PRKCA: variants seen among roughly 807,000 people sequenced by gnomAD.
PRKCA encodes the protein protein kinase C alpha.
In PRKCA, 27 loss-of-function variants were observed where a neutral mutation model predicts 87.0. That is an observed-to-expected ratio of 0.31 (90% CI 0.23 to 0.43). PRKCA has a LOEUF of 0.43. PRKCA is among the 20% of genes least tolerant of loss of function. The pLI is 1.00. For synonymous variants in PRKCA, 329 were observed against 311.1 expected, an observed-to-expected ratio of 1.06 and a Z score of -0.61; for missense variants, 518 against 852.3, an observed-to-expected ratio of 0.61 and a Z score of 4.88.
chr17:66,345,048 A>G (rs192356981), intron 2 of PRKCA, among the ~76,000 whole-genome samples: 1 of 152,266 alleles, frequency 6.6e-6, no homozygotes, highest in East Asian at 1.9e-4. Context: ...AGAATCAAGG[A>G]TTACCCTTTT....
chr17:66,406,346 C>A (rs1297325820), intron 2 of PRKCA, among the ~76,000 whole-genome samples: 1 of 152,118 alleles, frequency 6.6e-6, no homozygotes, highest in African/African-American at 2.4e-5. Context: ...ATTGGATGCT[C>A]TTAAAGTTCT....
intron 16 of PRKCA, among the ~76,000 whole-genome samples, chr17:66,798,953 G>A (rs867121923): frequency 2.1e-4 from 29 of 137,692 alleles, no homozygotes; most frequent in Admixed American, 2.9e-4. Context: ...GGTGGTGGTG[G>A]TGGTGGTGGT....
intron 13 of PRKCA, among the ~76,000 whole-genome samples, chr17:66,752,102 G>T (rs1397653832): frequency 6.6e-6 from 1 of 152,158 alleles, no homozygotes; most frequent in Non-Finnish European, 1.5e-5. Context: ...GCTATTTTAA[G>T]AACTTGGGGT....
At chr17:66,642,770 T>C (rs1355336194) in intron 4 of PRKCA, among the ~76,000 whole-genome samples, 2 of 124,502 alleles carry the variant, frequency 1.6e-5, no homozygotes, top group Non-Finnish European at 3.3e-5. Context: ...CAAGAAACGC[T>C]GGGATTTCCA....
chr17:66,688,261 A>G, intron 6 of PRKCA, 41 bp from the exon 7 acceptor site: 3 of 1,607,246 alleles, frequency 1.9e-6, no homozygotes, highest in Non-Finnish European at 2.6e-6. Context: ...AGAAACCATG[A>G]TCAAGATAAC....
At chr17:66,373,976 G>T (rs1014906694) in intron 2 of PRKCA, among the ~76,000 whole-genome samples, 1 of 152,176 alleles carries the variant, frequency 6.6e-6, no homozygotes, top group Non-Finnish European at 1.5e-5. Context: ...GGGATGTGGG[G>T]GCCCTGCTGC....
chr17:66,450,882 T>A (rs1914276796), intron 2 of PRKCA, among the ~76,000 whole-genome samples: 1 of 152,222 alleles, frequency 6.6e-6, no homozygotes, highest in African/African-American at 2.4e-5. Flanking sequence ...GTTTTTAACT[T>A]TTGATGAAAA....
At chr17:66,596,539 A>G (rs1443000542) in intron 3 of PRKCA, among the ~76,000 whole-genome samples, 2 of 147,694 alleles carry the variant, frequency 1.4e-5, no homozygotes, top group Non-Finnish European at 3.0e-5. Flanking sequence ...AGATGTTCAG[A>G]ATCTTTGTAG....
chr17:66,777,147 G>A, intron 14 of PRKCA: 1 of 896,792 alleles, frequency 1.1e-6, no homozygotes, highest in Non-Finnish European at 1.3e-6. Context: ...TTCCTGGTGG[G>A]TAGGGGGAGC....
chr17:66,786,108 G>A lies in PRKCA; in HGVS notation c.1606-759G>A, dbSNP rs568385859. Among the ~76,000 whole-genome samples, 241 of 152,354 alleles carry A rather than the reference G, an allele frequency of 1.6e-3. 2 individuals are homozygous for A. Among genetic ancestry groups the A allele is most frequent in the Middle Eastern group, 3.4e-3 (1 of 294 alleles). On this transcript the variant is annotated intron_variant, in intron 14 of 16. Coordinates refer to ENST00000413366, the MANE Select transcript of PRKCA (RefSeq NM_002737.3). ...CTCCCAAAGTGCTGGGATTACAGGC[G>A]TGAGCCACCGCGCCCGGCCTGGAGA...
At chr17:66,635,606 A>T (rs1971133076) in intron 3 of PRKCA, among the ~76,000 whole-genome samples, 1 of 152,226 alleles carries the variant, frequency 6.6e-6, no homozygotes. Context: ...ACATGAGATC[A>T]GCGGGTTATA....
At chr17:66,726,745 G>T (rs1179063072) in intron 8 of PRKCA, among the ~76,000 whole-genome samples, 2 of 149,446 alleles carry the variant, frequency 1.3e-5, no homozygotes. Flanking sequence ...TTTTTTTCGA[G>T]ACAGGGTCTC....
At chr17:66,445,291 A>C (rs1015406702) in intron 2 of PRKCA, among the ~76,000 whole-genome samples, 1 of 152,196 alleles carries the variant, frequency 6.6e-6, no homozygotes, top group Non-Finnish European at 1.5e-5. Context: ...CAAGCAAATG[A>C]GAGTGAAAAC....
chr17:66,316,384 G>A (rs897218934), intron 2 of PRKCA, among the ~76,000 whole-genome samples: 1 of 152,134 alleles, frequency 6.6e-6, no homozygotes, highest in Admixed American at 6.5e-5. Context: ...AAGATACATT[G>A]TACTGAAGCT....
intron 14 of PRKCA, among the ~76,000 whole-genome samples, chr17:66,784,191 A>C (rs1256847860): frequency 6.6e-6 from 1 of 152,148 alleles, no homozygotes; most frequent in African/African-American, 2.4e-5. Context: ...TCACACAGCC[A>C]GTTCAGGAGC....
chr17:66,472,502 A>G (rs552266155), intron 2 of PRKCA, among the ~76,000 whole-genome samples: 22 of 152,288 alleles, frequency 1.4e-4, no homozygotes, highest in African/African-American at 5.1e-4. Context: ...TGTTTTTATC[A>G]AGGGAACAGA....
rs534078536 is a variant in PRKCA at position 66,448,533 on chromosome 17, G to T, written c.206-47668G>T. The stretch of plus-strand genomic sequence containing the variant: ...AGGCTTTTAAACTTTAGAAACCTGT[G>T]TATATGCTGTGCCTACCCTTTATAG... On this transcript the variant is annotated intron_variant, in intron 2 of 16. Transcript: ENST00000413366. Among the ~76,000 whole-genome samples, 5 of 152,260 alleles carry T rather than the reference G, an allele frequency of 3.3e-5. No homozygotes were observed. The South Asian group carries it at 1.0e-3, about 32-fold the overall frequency.
intron 2 of PRKCA, among the ~76,000 whole-genome samples, chr17:66,429,623 T>C (rs1912998250): frequency 6.6e-6 from 1 of 152,124 alleles, no homozygotes; most frequent in African/African-American, 2.4e-5. Flanking sequence ...TGAGGTAACT[T>C]CCTCACCTAA....
At chr17:66,736,421 G>A (rs563479672) in intron 10 of PRKCA, among the ~76,000 whole-genome samples, 13 of 152,102 alleles carry the variant, frequency 8.5e-5, no homozygotes, top group African/African-American at 2.9e-4. Flanking sequence ...GGGATTACAG[G>A]CCGCTGCCAC....
Sources: gnomAD v4.1 joint callset for allele counts (sites outside exome capture counted in the v4.1 genomes callset) on GRCh38, gnomAD v4.1.1 for gene constraint, MANE v1.5 for transcripts, NCBI Gene and HGNC (gene_info 2026-07-23, HGNC 2026-07-21) for gene names.